SRPK2: variants seen among roughly 807,000 people sequenced by gnomAD.
The protein encoded by SRPK2 is SFRS protein kinase 2.
A neutral mutation model predicts 90.8 loss-of-function variants in SRPK2; 21 were observed. The ratio of observed to expected loss-of-function variants is 0.23; its 90% confidence interval spans 0.16 to 0.33. The LOEUF is 0.33. SRPK2 is among the 10% of genes least tolerant of loss of function. SRPK2 has a pLI of 1.00. For missense variants in SRPK2, 620 were observed against 869.0 expected (o/e 0.71, Z 3.60); for synonymous variants, 288 against 311.1 (o/e 0.93, Z 0.78).
intron 3 of SRPK2, among the ~76,000 whole-genome samples, chr7:105,185,816 T>A (rs73186008): frequency 0.12 from 17,984 of 152,204 alleles, 1,459 homozygotes; most frequent in Middle Eastern, 0.2. Flanking sequence ...AACTTGTACA[T>A]ACTCCTTTGT....
At position 105,297,593 on chromosome 7, in the gene SRPK2, T is replaced by A; in HGVS notation, c.71+91055A>T. 4.6e-6 allele frequency: 3 copies of A among 647,116 alleles called. No homozygotes were observed. The South Asian group carries it at 2.1e-4, about 44-fold the overall frequency. 40.1% of individuals were successfully genotyped at this position (647,116 alleles called of 1,614,324 possible). Reference sequence around the variant, plus strand: ...GACATACAGAAGGTCCACGCTACAATTACCTAAAAGGTCTTCCGAGATTAT... The same window carrying A: ...GACATACAGAAGGTCCACGCTACAAATACCTAAAAGGTCTTCCGAGATTAT... On this transcript the variant is annotated intron_variant, in intron 2 of 15. Transcript: ENST00000393651.
At chr7:105,181,158 C>A (rs534232353) in intron 3 of SRPK2, among the ~76,000 whole-genome samples, 18 of 152,242 alleles carry the variant, frequency 1.2e-4, no homozygotes, top group African/African-American at 3.6e-4. Context: ...CAAATTGAAA[C>A]CACGATGAAA....
intron 2 of SRPK2, among the ~76,000 whole-genome samples, chr7:105,285,834 G>A (rs911010814): frequency 5.3e-5 from 8 of 152,110 alleles, no homozygotes; most frequent in African/African-American, 1.9e-4. Flanking sequence ...CTGCAGAACC[G>A]CGAGCCAATT....
intron 6 of SRPK2, among the ~76,000 whole-genome samples, chr7:105,161,120 T>C (rs1330331393): frequency 1.3e-5 from 2 of 152,046 alleles, no homozygotes; most frequent in East Asian, 3.9e-4. Flanking sequence ...AGAGACAGGG[T>C]TTCACCATGT....
chr7:105,140,177 T>C (rs1309873897), intron 11 of SRPK2, among the ~76,000 whole-genome samples: 2 of 152,120 alleles, frequency 1.3e-5, no homozygotes, highest in Non-Finnish European at 2.9e-5. Context: ...CCTCCAACTA[T>C]TTCCCACCTG....
At chr7:105,228,473 T>C (rs1798994213) in intron 2 of SRPK2, among the ~76,000 whole-genome samples, 2 of 152,242 alleles carry the variant, frequency 1.3e-5, no homozygotes, top group South Asian at 4.1e-4. Flanking sequence ...TCTTTAGATG[T>C]ATCCTAATGG....
At chr7:105,348,801 A>T (rs1030354259) in intron 2 of SRPK2, among the ~76,000 whole-genome samples, 7 of 152,160 alleles carry the variant, frequency 4.6e-5, no homozygotes, top group Non-Finnish European at 7.3e-5. Context: ...TATCTAAAGA[A>T]AGTTATCATT....
At chr7:105,396,453 C>CG (rs1329103110) in intron 1 of SRPK2, among the ~76,000 whole-genome samples, 1 of 151,636 alleles carries the variant, frequency 6.6e-6, no homozygotes, top group Non-Finnish European at 1.5e-5. Context: ...CTGGCTAACA[C>CG]GGCGAAATCT....
intron 2 of SRPK2, among the ~76,000 whole-genome samples, chr7:105,289,282 T>A (rs891632685): frequency 2.0e-5 from 3 of 150,274 alleles, no homozygotes; most frequent in South Asian, 4.2e-4. Flanking sequence ...TCAAAAAAAA[T>A]AAATAAAAAA....
intron 2 of SRPK2, among the ~76,000 whole-genome samples, chr7:105,227,123 C>G (rs1488936034): frequency 6.6e-6 from 1 of 152,004 alleles, no homozygotes; most frequent in East Asian, 1.9e-4. Context: ...AGTTAATTCT[C>G]AAACCAAGTA....
chr7:105,248,731 G>A (rs893769268), intron 2 of SRPK2, among the ~76,000 whole-genome samples: 1 of 152,146 alleles, frequency 6.6e-6, no homozygotes, highest in Admixed American at 6.5e-5. Flanking sequence ...CACGAGGTCA[G>A]GAGATTGAGA....
chr7:105,221,399 A>C (rs767179247), intron 2 of SRPK2, among the ~76,000 whole-genome samples: 1 of 152,178 alleles, frequency 6.6e-6, no homozygotes, highest in Non-Finnish European at 1.5e-5. Context: ...CACCAATCTT[A>C]TTCTTTCTCC....
chr7:105,209,930 TTC>T (rs2129612104), intron 2 of SRPK2, among the ~76,000 whole-genome samples: 2 of 152,342 alleles, frequency 1.3e-5, no homozygotes, highest in East Asian at 3.9e-4. Context: ...AAAAATATTT[TTC>T]TTTCAATATC....
upstream of SRPK2, chr7:105,389,414 G>C (rs981021238): frequency 2.5e-6 from 3 of 1,221,594 alleles, no homozygotes; most frequent in East Asian, 1.6e-4. Context: ...AAGGGCACAC[G>C]ACCAAAAGCT....
intron 3 of SRPK2, among the ~76,000 whole-genome samples, chr7:105,202,076 A>C (rs1795630637): frequency 9.5e-6 from 1 of 105,032 alleles, no homozygotes; most frequent in Non-Finnish European, 2.2e-5. Flanking sequence ...GGTTGTAACC[A>C]CTATTCAGAC....
chr7:105,138,136 A>G (rs1220237960), intron 11 of SRPK2, among the ~76,000 whole-genome samples: 1 of 152,230 alleles, frequency 6.6e-6, no homozygotes, highest in Non-Finnish European at 1.5e-5. Context: ...GTGACTATAA[A>G]TGGAAAAAAG....
chr7:105,134,396 T>C (rs1802492780), intron 11 of SRPK2, among the ~76,000 whole-genome samples: 2 of 152,216 alleles, frequency 1.3e-5, no homozygotes, highest in Admixed American at 1.3e-4. Flanking sequence ...CCTTCTACCA[T>C]ATTTGAAAGT....
chr7:105,142,964 G>C (rs1804014102), intron 10 of SRPK2, 120 bp downstream of exon 10: 3 of 1,333,914 alleles, frequency 2.2e-6, no homozygotes, highest in Middle Eastern at 1.9e-4. Context: ...TAGGGAGTTG[G>C]AGAGAATCAT....
In SRPK2 at chr7:105,380,207, A is replaced by G. The variant is rs117303774; in HGVS notation, c.71+8441T>C. 2.1e-3 allele frequency among the ~76,000 whole-genome samples: 324 copies of G among 150,750 alleles called. 11 individuals are homozygous for G. In the East Asian group the frequency reaches 0.062, roughly 29 times the overall value. ...CACTAAGTGGTGCAATCTCAGCTCA[A>G]AGCAACCTCTATCTCCCGTGTTCAA... On this transcript the variant is annotated intron_variant, in intron 2 of 15. Coordinates refer to ENST00000393651, the MANE Select transcript of SRPK2 (RefSeq NM_182692.3).
Sources: allele counts gnomAD v4.1 joint callset (sites outside exome capture counted in the v4.1 genomes callset), GRCh38; gene constraint gnomAD v4.1.1; transcripts MANE v1.5; gene names NCBI Gene and HGNC (gene_info 2026-07-23, HGNC 2026-07-21).